Variants in TSHZ2 observed in about 807,000 individuals in gnomAD.
TSHZ2 encodes the protein teashirt homolog 2.
A neutral mutation model predicts 74.4 loss-of-function variants in TSHZ2; 21 were observed. That is an observed-to-expected ratio of 0.28 (90% CI 0.20 to 0.41). The LOEUF is 0.41. Among genes scored for constraint, TSHZ2 ranks in the 10% least tolerant of loss-of-function variants. TSHZ2 has a pLI of 1.00. For synonymous variants in TSHZ2, 540 were observed against 515.3 expected, an observed-to-expected ratio of 1.05 and a Z score of -0.65; for missense variants, 1,244 against 1,293.5, an observed-to-expected ratio of 0.96 and a Z score of 0.59.
chr20:53,392,714 C>T (rs1204198979), intron 2 of TSHZ2, among the ~76,000 whole-genome samples: 1 of 151,908 alleles, frequency 6.6e-6, no homozygotes, highest in African/African-American at 2.4e-5. Context: ...TTTAAAAAAA[C>T]TTCATCTATA....
Position 53,005,227 on chromosome 20 carries a change from C to G in TSHZ2, c.40+31894C>G, listed in dbSNP as rs571869803. The stretch of plus-strand genomic sequence containing the variant: ...ACTTGGGAGGCTGAGCCAGGAGAAT[C>G]GCTTGAACCTGGGAGGCAGAGATTG... On this transcript the variant is annotated intron_variant, in intron 1 of 2. Coordinates refer to ENST00000371497, the MANE Select transcript of TSHZ2 (RefSeq NM_173485.6). Among the ~76,000 whole-genome samples the G allele has an allele frequency of 1.8e-3, 278 of 152,196 alleles. 1 individual carries two copies. The highest frequency in any genetic ancestry group is 6.5e-3 in the African/African-American group (269 of 41,536).
chr20:53,076,986 C>A (rs1600678516), intron 1 of TSHZ2, among the ~76,000 whole-genome samples: 1 of 152,002 alleles, frequency 6.6e-6, no homozygotes, highest in African/African-American at 2.4e-5. Flanking sequence ...AGAACTCGGG[C>A]TTAGAGAGAG....
intron 1 of TSHZ2, among the ~76,000 whole-genome samples, chr20:53,243,250 G>A (rs1235916082): frequency 6.6e-6 from 1 of 152,176 alleles, no homozygotes; most frequent in Non-Finnish European, 1.5e-5. Flanking sequence ...TAGGGAACAA[G>A]GAGAAGAATT....
chr20:52,989,210 G>T (rs960288174), intron 1 of TSHZ2, among the ~76,000 whole-genome samples: 8 of 143,192 alleles, frequency 5.6e-5, no homozygotes, highest in East Asian at 2.0e-4. Flanking sequence ...TATTGGTGAT[G>T]TTTTTTTTTA....
At chr20:53,100,191 G>T (rs1986176224) in intron 1 of TSHZ2, among the ~76,000 whole-genome samples, 1 of 152,120 alleles carries the variant, frequency 6.6e-6, no homozygotes, top group Non-Finnish European at 1.5e-5. Flanking sequence ...ATGGAGCCTT[G>T]ATTTGCACTC....
chr20:53,248,711 T>C (rs1990260723), intron 1 of TSHZ2, among the ~76,000 whole-genome samples: 1 of 152,230 alleles, frequency 6.6e-6, no homozygotes, highest in Admixed American at 6.5e-5. Context: ...TTTGAGGTCT[T>C]GTTGCTTATT....
At chr20:53,206,323 A>T (rs892870377) in intron 1 of TSHZ2, among the ~76,000 whole-genome samples, 4 of 152,282 alleles carry the variant, frequency 2.6e-5, no homozygotes, top group Admixed American at 1.3e-4. Flanking sequence ...GTGCCAGCAC[A>T]GTCCCTGGCA....
chr20:53,069,662 T>TACACAC (rs11471151), intron 1 of TSHZ2, among the ~76,000 whole-genome samples: 28 of 138,994 alleles, frequency 2.0e-4, no homozygotes, highest in East Asian at 8.8e-4. Flanking sequence ...AATGCTTTGA[T>TACACAC]ACACACACAC....
At chr20:52,984,725 C>T (rs760251854) in intron 1 of TSHZ2, among the ~76,000 whole-genome samples, 1 of 152,076 alleles carries the variant, frequency 6.6e-6, no homozygotes, top group African/African-American at 2.4e-5. Flanking sequence ...ACCCAGGTTG[C>T]GAGCAGGCCG....
At chr20:53,226,427 G>GGTGTGTGTGTGTGT (rs762992567) in intron 1 of TSHZ2, among the ~76,000 whole-genome samples, 15 of 149,668 alleles carry the variant, frequency 1.0e-4, no homozygotes, top group African/African-American at 3.0e-4. Context: ...TGTGTGGGTC[G>GGTGTGTGTGTGTGT]GTGTGTGTAT....
At chr20:53,363,970 A>G (rs1357623794) in intron 2 of TSHZ2, among the ~76,000 whole-genome samples, 2 of 152,222 alleles carry the variant, frequency 1.3e-5, no homozygotes, top group Non-Finnish European at 2.9e-5. Context: ...TATTTTTTCT[A>G]TCAAGTTGGG....
intron 2 of TSHZ2, among the ~76,000 whole-genome samples, chr20:53,479,266 C>CT (rs1252693262): frequency 6.6e-6 from 1 of 151,882 alleles, no homozygotes; most frequent in Non-Finnish European, 1.5e-5. Flanking sequence ...CCCAAACATT[C>CT]TATTAAAATG....
At chr20:53,268,998 C>T (rs1206982222) in intron 2 of TSHZ2, among the ~76,000 whole-genome samples, 1 of 151,794 alleles carries the variant, frequency 6.6e-6, no homozygotes, top group African/African-American at 2.4e-5. Context: ...TTCAGTGATG[C>T]CGTGAGGTCT....
chr20:53,052,641 G>T (rs1308211556), intron 1 of TSHZ2, among the ~76,000 whole-genome samples: 1 of 152,134 alleles, frequency 6.6e-6, no homozygotes, highest in East Asian at 1.9e-4. Context: ...CTTCTTTAAG[G>T]CTGAGTATTA....
At chr20:53,403,386 A>T (rs188396558) in intron 2 of TSHZ2, among the ~76,000 whole-genome samples, 2,459 of 152,314 alleles carry the variant, frequency 0.016, 62 homozygotes, top group African/African-American at 0.053. Flanking sequence ...TGTCCACTTT[A>T]CCTGAAGTTT....
intron 1 of TSHZ2, among the ~76,000 whole-genome samples, chr20:53,252,763 T>G (rs556595195): frequency 1.0e-3 from 159 of 152,334 alleles, no homozygotes; most frequent in Non-Finnish European, 1.6e-3. Flanking sequence ...TGGAAAGGTC[T>G]TCACAAACCT....
rs1986618385 is a variant in TSHZ2 at position 53,114,516 on chromosome 20, C to T, written c.41-138983C>T. On this transcript the variant is annotated intron_variant, in intron 1 of 2. Transcript: ENST00000371497. ...GTAAGCACTCCATAAATACTAGCTA[C>T]CACTGCTCTTTCCAGTGCAGTCTGG... Among the ~76,000 whole-genome samples the T allele has an allele frequency of 4.6e-5, 7 of 152,338 alleles. No homozygotes were observed. The South Asian group carries it at 1.5e-3, about 32-fold the overall frequency.
At chr20:53,469,045 T>TATATA (rs1985655239) in intron 2 of TSHZ2, among the ~76,000 whole-genome samples, 11 of 49,112 alleles carry the variant, frequency 2.2e-4, no homozygotes, top group Non-Finnish European at 3.3e-4. Context: ...AATCGATATT[T>TATATA]TATATATATA....
In TSHZ2 at chr20:52,972,882, C is replaced by A. The variant is rs1341814217; in HGVS notation, c.-412C>A. On this transcript the variant is annotated 5_prime_UTR_variant, in exon 1 of 3. Coordinates refer to ENST00000371497, the MANE Select transcript of TSHZ2 (RefSeq NM_173485.6). The stretch of plus-strand genomic sequence containing the variant: ...GTGCCTGTGGCGCGTGTGCGCCCCT[C>A]GTCCCTTCCATCCGAACCCGGGCTT... 8.7e-6 allele frequency: 2 copies of A among 231,200 alleles called. No homozygotes were observed. The highest frequency in any genetic ancestry group is 1.2e-4 in the Admixed American group (2 of 17,346). The allele number at this position is 231,200 out of a possible 1,614,324, so 14.3% of individuals were successfully genotyped here. A position where few individuals can be genotyped will look rare whatever the true frequency, so the allele number is the denominator to read the frequency against.
Sources: gnomAD v4.1 joint callset for allele counts (sites outside exome capture counted in the v4.1 genomes callset) on GRCh38, gnomAD v4.1.1 for gene constraint, MANE v1.5 for transcripts, NCBI Gene and HGNC (gene_info 2026-07-23, HGNC 2026-07-21) for gene names.